Variants in JMJD1C observed in about 807,000 individuals in gnomAD.
JMJD1C encodes jumonji domain containing 1C.
Under a neutral mutation model 245.3 loss-of-function variants are expected in JMJD1C, and 31 were observed. The observed-to-expected ratio is 0.13, with a 90% CI of 0.09 to 0.17. The LOEUF is 0.17. Among genes scored for constraint, JMJD1C ranks in the 10% least tolerant of loss-of-function variants. The pLI, the probability that JMJD1C is intolerant of heterozygous loss-of-function variation, is 1.00. For synonymous variants in JMJD1C, 1,057 were observed against 1,017.4 expected, an observed-to-expected ratio of 1.04 and a Z score of -0.74; for missense variants, 2,691 against 3,000.2, an observed-to-expected ratio of 0.90 and a Z score of 2.41.
chr10:63,327,073 G>C (rs986487985), intron 2 of JMJD1C, among the ~76,000 whole-genome samples: 3 of 152,106 alleles, frequency 2.0e-5, no homozygotes, highest in African/African-American at 7.2e-5. Flanking sequence ...TGTAGTCCCA[G>C]CTACCGAGGA....
intron 1 of JMJD1C, chr10:63,465,293 C>T: frequency 1.7e-6 from 1 of 601,632 alleles, no homozygotes; most frequent in Non-Finnish European, 2.9e-6. Flanking sequence ...CCTGCTCCGA[C>T]ACCACCTCCA....
At position 63,271,068 on chromosome 10, in the gene JMJD1C, A is replaced by G. The variant is rs770278500; in HGVS notation, c.334-6304T>C. ...GTTTTATTGTAGAAATTACATGATGAAAGAGGAATTATATATGGTAACATG... is the reference window on the plus strand; with the variant it reads ...GTTTTATTGTAGAAATTACATGATGGAAGAGGAATTATATATGGTAACATG... On this transcript the variant is annotated intron_variant, in intron 2 of 25. Transcript: ENST00000399262. Among the ~76,000 whole-genome samples the G allele has an allele frequency of 3.3e-5, 5 of 152,212 alleles. 1 individual carries two copies. The South Asian group carries it at 1.0e-3, about 31-fold the overall frequency.
chr10:63,245,476 C>CTTTT (rs1429317187), intron 3 of JMJD1C, among the ~76,000 whole-genome samples: 1 of 49,024 alleles, frequency 2.0e-5, no homozygotes, highest in African/African-American at 7.3e-5. Flanking sequence ...TGCAGGGGAA[C>CTTTT]TCTTTTTTTT....
chr10:63,275,079 C>T (rs1856658818), intron 2 of JMJD1C, among the ~76,000 whole-genome samples: 1 of 152,104 alleles, frequency 6.6e-6, no homozygotes, highest in African/African-American at 2.4e-5. Flanking sequence ...AGTCCTATTA[C>T]TTTAATGTTA....
intron 1 of JMJD1C, among the ~76,000 whole-genome samples, chr10:63,503,955 A>G (rs966006856): frequency 6.6e-6 from 1 of 152,084 alleles, no homozygotes; most frequent in Non-Finnish European, 1.5e-5. Flanking sequence ...CTTGTGTTTC[A>G]TGGGCAGTTT....
intron 21 of JMJD1C, among the ~76,000 whole-genome samples, 194 bp downstream of exon 21, chr10:63,184,414 T>C (rs537558036): frequency 2.0e-5 from 3 of 152,260 alleles, no homozygotes; most frequent in Non-Finnish European, 2.9e-5. Context: ...GGCTAATTTT[T>C]GTATTTTTTA....
chr10:63,410,136 C>G (rs143642104), intron 1 of JMJD1C, among the ~76,000 whole-genome samples: 1 of 152,256 alleles, frequency 6.6e-6, no homozygotes, highest in African/African-American at 2.4e-5. Flanking sequence ...AAACTAACGA[C>G]AAGCAGACCC....
intron 1 of JMJD1C, among the ~76,000 whole-genome samples, chr10:63,456,412 T>C (rs981883411): frequency 3.3e-5 from 5 of 152,248 alleles, no homozygotes; most frequent in African/African-American, 1.2e-4. Context: ...ATCTATAGAA[T>C]CACAATATAG....
intron 1 of JMJD1C, chr10:63,521,570 G>A: frequency 7.0e-7 from 1 of 1,433,254 alleles, no homozygotes; most frequent in South Asian, 1.4e-5. Context: ...GATCTCCAGA[G>A]CCGTGGTGTA....
chr10:63,436,895 T>C (rs542418989), intron 1 of JMJD1C, among the ~76,000 whole-genome samples: 3 of 152,314 alleles, frequency 2.0e-5, no homozygotes, highest in Admixed American at 1.3e-4. Context: ...CTCTCTCTCA[T>C]GCCACTACCT....
intron 2 of JMJD1C, among the ~76,000 whole-genome samples, chr10:63,291,031 G>C (rs974984343): frequency 6.6e-6 from 1 of 152,176 alleles, no homozygotes; most frequent in Non-Finnish European, 1.5e-5. Context: ...CTTGGGCTGG[G>C]CGCAGTGGCT....
intron 2 of JMJD1C, among the ~76,000 whole-genome samples, chr10:63,275,715 CATAATT>C (rs1856713120): frequency 6.6e-6 from 1 of 151,892 alleles, no homozygotes; most frequent in Admixed American, 6.6e-5. Context: ...TAACAAGTAA[CATAATT>C]ATATTTGAGA....
chr10:63,508,779 T>C (rs1358705979), intron 1 of JMJD1C, among the ~76,000 whole-genome samples: 1 of 152,226 alleles, frequency 6.6e-6, no homozygotes, highest in African/African-American at 2.4e-5. Context: ...ATTCCACTTG[T>C]TCACTGCTGG....
At chr10:63,185,894 A>G (rs190438141) in intron 19 of JMJD1C, among the ~76,000 whole-genome samples, 1 of 152,166 alleles carries the variant, frequency 6.6e-6, no homozygotes, top group African/African-American at 2.4e-5. Context: ...GTTTTTAAAA[A>G]TCTTGGTAAC....
chr10:63,328,160 A>G (rs1941742267), intron 2 of JMJD1C, among the ~76,000 whole-genome samples: 1 of 152,046 alleles, frequency 6.6e-6, no homozygotes, highest in Non-Finnish European at 1.5e-5. Flanking sequence ...CTGTAATCCC[A>G]GCTACTTTGG....
intron 18 of JMJD1C, 89 bp downstream of exon 18, chr10:63,189,079 C>T: frequency 2.7e-6 from 3 of 1,104,538 alleles, no homozygotes; most frequent in Non-Finnish European, 3.8e-6. Flanking sequence ...ATTTTTCCCC[C>T]CTCCATTTCT....
At chr10:63,412,227 G>A (rs189987307) in intron 1 of JMJD1C, among the ~76,000 whole-genome samples, 1 of 152,016 alleles carries the variant, frequency 6.6e-6, no homozygotes, top group South Asian at 2.1e-4. Context: ...TCTTAACAAT[G>A]ACATAAAGTC....
intron 1 of JMJD1C, among the ~76,000 whole-genome samples, chr10:63,408,175 A>G (rs1167059029): frequency 6.6e-6 from 1 of 152,084 alleles, no homozygotes; most frequent in African/African-American, 2.4e-5. Flanking sequence ...AGGCCGAGGC[A>G]GGTGGATCAC....
chr10:63,222,660 T>G, intron 3 of JMJD1C: 1 of 1,537,838 alleles, frequency 6.5e-7, no homozygotes, highest in South Asian at 1.1e-5. Flanking sequence ...GATCGGTGTG[T>G]AGAGGGAGTG....
Sources: allele counts gnomAD v4.1 joint callset (sites outside exome capture counted in the v4.1 genomes callset), GRCh38; gene constraint gnomAD v4.1.1; transcripts MANE v1.5; gene names NCBI Gene and HGNC (gene_info 2026-07-23, HGNC 2026-07-21).